Variants in SPIRE1 observed in about 807,000 individuals in gnomAD.
SPIRE1 encodes the protein protein spire homolog 1.
In SPIRE1, 40 loss-of-function variants were observed where a neutral mutation model predicts 94.1. The observed-to-expected ratio is 0.43, with a 90% confidence interval of 0.33 to 0.55. SPIRE1 has a LOEUF of 0.55. SPIRE1 is among the 20% of genes least tolerant of loss of function. SPIRE1 has a pLI of 0.06. For synonymous variants in SPIRE1, 376 were observed against 371.7 expected (o/e 1.01, Z -0.13); for missense variants, 838 against 975.2 (o/e 0.86, Z 1.87).
chr18:12,469,843 T>C (rs1186250544), intron 10 of SPIRE1, among the ~76,000 whole-genome samples: 6 of 150,312 alleles, frequency 4.0e-5, no homozygotes, highest in Middle Eastern at 3.4e-3. Context: ...AGTACTAGAT[T>C]TTGGCACTCA....
intron 2 of SPIRE1, among the ~76,000 whole-genome samples, chr18:12,568,472 C>A (rs2035873196): frequency 6.6e-6 from 1 of 152,182 alleles, no homozygotes; most frequent in Non-Finnish European, 1.5e-5. Flanking sequence ...TCTGTCCATC[C>A]TCTTGCTCTA....
At chr18:12,598,726 G>T (rs2036749219) in intron 2 of SPIRE1, among the ~76,000 whole-genome samples, 1 of 152,122 alleles carries the variant, frequency 6.6e-6, no homozygotes, top group Admixed American at 6.5e-5. Context: ...ATCTCAAGAG[G>T]AAGTGGCTGC....
rs143237326 is a variant in SPIRE1, at chr18:12,522,800, C to T, written c.730-10269G>A. Among the ~76,000 whole-genome samples the T allele has an allele frequency of 2.3e-3, 349 of 152,236 alleles. 1 individual carries two copies. The highest frequency in any genetic ancestry group is 7.9e-3 in the African/African-American group (329 of 41,544). Reference sequence around the variant, plus strand: ...GACTGGATGGCGGCACATCTGTTTACAGCAAAAAAGATTCCTTTCAAAATA... The same window carrying T: ...GACTGGATGGCGGCACATCTGTTTATAGCAAAAAAGATTCCTTTCAAAATA... On this transcript the variant is annotated intron_variant, in intron 4 of 16. Coordinates refer to ENST00000409402, the MANE Select transcript of SPIRE1 (RefSeq NM_001128626.2).
At chr18:12,638,068 T>G (rs965475606) in intron 1 of SPIRE1, among the ~76,000 whole-genome samples, 2 of 152,106 alleles carry the variant, frequency 1.3e-5, no homozygotes, top group African/African-American at 4.8e-5. Flanking sequence ...AAAGCTAATC[T>G]AGGAATCCAA....
intron 1 of SPIRE1, among the ~76,000 whole-genome samples, chr18:12,654,766 A>T (rs900070306): frequency 2.0e-5 from 3 of 152,018 alleles, no homozygotes; most frequent in African/African-American, 4.8e-5. Flanking sequence ...GCAGTGGCTC[A>T]CGCCTGCAAT....
chr18:12,464,758 A>T, intron 11 of SPIRE1, 110 bp downstream of exon 11: 2 of 790,474 alleles, frequency 2.5e-6, no homozygotes, highest in Non-Finnish European at 4.2e-6. Flanking sequence ...TGCCTGAGTT[A>T]GTTCTTTCTA....
chr18:12,524,359 A>G (rs1162193690), intron 4 of SPIRE1, among the ~76,000 whole-genome samples: 1 of 152,216 alleles, frequency 6.6e-6, no homozygotes, highest in Middle Eastern at 3.2e-3. Context: ...ACCATTCAGA[A>G]GAATTTGGCC....
intron 2 of SPIRE1, among the ~76,000 whole-genome samples, chr18:12,585,094 A>T (rs2036359503): frequency 6.6e-6 from 1 of 152,134 alleles, no homozygotes; most frequent in Non-Finnish European, 1.5e-5. Flanking sequence ...GTGAGCTACC[A>T]CGCCAGGCCA....
At chr18:12,454,261 G>A in intron 13 of SPIRE1, 85 bp downstream of exon 13, 2 of 1,507,384 alleles carry the variant, frequency 1.3e-6, no homozygotes, top group South Asian at 2.4e-5. Context: ...GTGCCACCTG[G>A]CTAGCAGATA....
At chr18:12,545,407 GGCACTCA>G (rs2035134188) in intron 3 of SPIRE1, among the ~76,000 whole-genome samples, 2 of 152,078 alleles carry the variant, frequency 1.3e-5, no homozygotes, top group Non-Finnish European at 2.9e-5. Context: ...AAGGAACAGG[GGCACTCA>G]GCACACCTGA....
At chr18:12,509,516 A>G (rs1349996035) in intron 5 of SPIRE1, among the ~76,000 whole-genome samples, 1 of 152,230 alleles carries the variant, frequency 6.6e-6, no homozygotes, top group Non-Finnish European at 1.5e-5. Flanking sequence ...TCAATAATCA[A>G]TTTTATTCTA....
chr18:12,477,471 C>T (rs1250023211), intron 10 of SPIRE1, among the ~76,000 whole-genome samples: 1 of 152,238 alleles, frequency 6.6e-6, no homozygotes, highest in South Asian at 2.1e-4. Context: ...AATCACTGTT[C>T]TTATAGGTTA....
chr18:12,579,953 A>G (rs1270998750), intron 2 of SPIRE1, among the ~76,000 whole-genome samples: 2 of 152,164 alleles, frequency 1.3e-5, no homozygotes, highest in African/African-American at 4.8e-5. Context: ...AGTTAACCTC[A>G]TCTTATTTTT....
At chr18:12,528,327 TGTAA>T (rs2034583989) in intron 4 of SPIRE1, among the ~76,000 whole-genome samples, 1 of 152,164 alleles carries the variant, frequency 6.6e-6, no homozygotes, top group South Asian at 2.1e-4. Flanking sequence ...GTGTCACTGT[TGTAA>T]GTGACAGAAA....
rs1263646923 is a variant in SPIRE1 at position 12,508,807 on chromosome 18, T to A, written c.808-2166A>T. Among the ~76,000 whole-genome samples the A allele has an allele frequency of 3.3e-5, 5 of 152,164 alleles. No individual in the cohort carries two copies. In the East Asian group the frequency reaches 9.7e-4, roughly 29 times the overall value. On this transcript the variant is annotated intron_variant, in intron 5 of 16. Coordinates refer to ENST00000409402, the MANE Select transcript of SPIRE1 (RefSeq NM_001128626.2). ...CTCCTGCCTCAGCCTCCTGAGTAGC[T>A]GGGATTACAGGTGCCCGCCACTATG...
intron 2 of SPIRE1, among the ~76,000 whole-genome samples, chr18:12,554,070 GT>G (rs998840343): frequency 2.0e-5 from 3 of 152,272 alleles, no homozygotes; most frequent in Admixed American, 1.3e-4. Context: ...GGAGGCCAAG[GT>G]GGGTGGATCA....
At chr18:12,491,297 TA>T (rs913609993) in intron 8 of SPIRE1, among the ~76,000 whole-genome samples, 1 of 151,348 alleles carries the variant, frequency 6.6e-6, no homozygotes, top group African/African-American at 2.5e-5. Flanking sequence ...AAGATAATCC[TA>T]AAATTCCTAT....
chr18:12,632,723 A>T (rs9953066), intron 2 of SPIRE1, among the ~76,000 whole-genome samples: 3,219 of 142,748 alleles, frequency 0.023, 118 homozygotes, highest in African/African-American at 0.071. Flanking sequence ...ATTCTGAAAA[A>T]CTTCTATTTA....
At chr18:12,502,248 ACT>A (rs1734935370) in intron 6 of SPIRE1, among the ~76,000 whole-genome samples, 1 of 152,150 alleles carries the variant, frequency 6.6e-6, no homozygotes, top group Non-Finnish European at 1.5e-5. Context: ...GCAGTGTAAA[ACT>A]CTGCTAAAAA....
Sources: gnomAD v4.1 joint callset for allele counts (sites outside exome capture counted in the v4.1 genomes callset) on GRCh38, gnomAD v4.1.1 for gene constraint, MANE v1.5 for transcripts, NCBI Gene and HGNC (gene_info 2026-07-23, HGNC 2026-07-21) for gene names.